Variants in ORC4 observed in about 807,000 individuals in gnomAD.
ORC4 encodes origin recognition complex, subunit 4 homolog.
A neutral mutation model predicts 63.9 loss-of-function variants in ORC4; 55 were observed. That is an observed-to-expected ratio of 0.86 (90% CI 0.69 to 1.08). The LOEUF (loss-of-function observed/expected upper bound fraction) is 1.08. Among genes scored for constraint, ORC4 ranks in the 50% least tolerant of loss-of-function variants. ORC4 has a pLI of 0.00. For missense variants in ORC4, 511 were observed against 504.4 expected (o/e 1.01, Z -0.13); for synonymous variants, 150 against 168.5 (o/e 0.89, Z 0.85).
intron 6 of ORC4, 96 bp downstream of exon 6, chr2:147,958,200 TGA>T (rs982034245): frequency 1.5e-5 from 11 of 737,838 alleles, no homozygotes; most frequent in African/African-American, 1.4e-4. Flanking sequence ...TAAGAATTTC[TGA>T]ACCTCTCCCT....
At chr2:147,937,955 C>T in intron 13 of ORC4, 191 bp downstream of exon 13, 1 of 621,144 alleles carries the variant, frequency 1.6e-6, no homozygotes, top group South Asian at 2.0e-5. Context: ...AGTATACCTC[C>T]ACAAACTAAA....
intron 1 of ORC4, among the ~76,000 whole-genome samples, chr2:148,010,506 G>A (rs976516224): frequency 1.3e-5 from 2 of 151,870 alleles, no homozygotes; most frequent in African/African-American, 4.8e-5. Flanking sequence ...GACAAAAAAG[G>A]AGACATTACA....
intron 1 of ORC4, among the ~76,000 whole-genome samples, chr2:147,992,737 T>A (rs1429483240): frequency 2.0e-5 from 3 of 152,060 alleles, no homozygotes; most frequent in Non-Finnish European, 4.4e-5. Context: ...CAAAATAAAG[T>A]CCTCCAAAGC....
intron 1 of ORC4, among the ~76,000 whole-genome samples, chr2:148,005,656 C>CAAAA (rs55869341): frequency 0.046 from 2,287 of 49,596 alleles, 12 homozygotes; most frequent in Non-Finnish European, 0.055. Flanking sequence ...ACTATCCATG[C>CAAAA]AAAAAAAAAA....
intron 10 of ORC4, 24 bp downstream of exon 10, chr2:147,943,412 C>T (rs1309501980): frequency 6.9e-7 from 1 of 1,454,514 alleles, no homozygotes; most frequent in African/African-American, 1.4e-5. Flanking sequence ...AAGCAACAAG[C>T]AATAAAACAA....
intron 1 of ORC4, among the ~76,000 whole-genome samples, chr2:148,008,154 G>C (rs751526741): frequency 6.6e-6 from 1 of 152,104 alleles, no homozygotes; most frequent in Non-Finnish European, 1.5e-5. Flanking sequence ...AATGCTAAAG[G>C]GAAGTTCTTC....
At chr2:147,966,049 T>TA (rs970432453) in intron 4 of ORC4, among the ~76,000 whole-genome samples, 3 of 151,940 alleles carry the variant, frequency 2.0e-5, no homozygotes, top group East Asian at 1.9e-4. Context: ...ATATTTTTTT[T>TA]AAAAAGTAAT....
At chr2:148,015,464 G>C (rs1193594183) in intron 1 of ORC4, among the ~76,000 whole-genome samples, 1 of 151,428 alleles carries the variant, frequency 6.6e-6, no homozygotes, top group Admixed American at 6.6e-5. Flanking sequence ...ACAGGCACCC[G>C]CCACCACGCC....
chr2:147,993,620 G>A (rs1315420458), intron 1 of ORC4, among the ~76,000 whole-genome samples: 1 of 152,106 alleles, frequency 6.6e-6, no homozygotes, highest in Non-Finnish European at 1.5e-5. Flanking sequence ...AGGTAATCTT[G>A]CAAGGATAAA....
Position 148,001,420 on chromosome 2 carries a change from G to C in ORC4, c.-18+19213C>G, listed in dbSNP as rs548940124. On this transcript the variant is annotated intron_variant, in intron 1 of 13. Transcript: ENST00000392857. ...ACTAACAACGGATCTCTCTGCAGGA[G>C]CCCTATAAGCCAGAAGAGAGTAGGG... is the stretch of plus-strand genomic sequence containing the variant. Among the ~76,000 whole-genome samples the C allele has an allele frequency of 1.1e-4, 16 of 152,150 alleles. No homozygotes were observed. The South Asian group carries it at 3.3e-3, about 32-fold the overall frequency.
At chr2:147,958,956 T>C (rs1689423768) in intron 4 of ORC4, 90 bp from the exon 5 acceptor site, 1 of 634,456 alleles carries the variant, frequency 1.6e-6, no homozygotes, top group Admixed American at 2.8e-5. Flanking sequence ...AAGAACAGAA[T>C]ATAAATAAAT....
At position 147,997,541 on chromosome 2, in the gene ORC4, A is replaced by C. The variant is rs145750164; in HGVS notation, c.-17-21566T>G. 1.8e-3 allele frequency among the ~76,000 whole-genome samples: 278 copies of C among 152,272 alleles called. 6 individuals carry two copies. Among genetic ancestry groups the C allele is most frequent in the Admixed American group, 0.016 (252 of 15,290 alleles). ...AGAAGAGACTCTTGCAATATAAAGC[A>C]AACAAACATATTGTTATTTTGTAAG... On this transcript the variant is annotated intron_variant, in intron 1 of 13. Transcript: ENST00000392857.
chr2:148,017,162 G>C (rs1024638987), intron 1 of ORC4, among the ~76,000 whole-genome samples: 36 of 152,126 alleles, frequency 2.4e-4, no homozygotes, highest in African/African-American at 8.0e-4. Context: ...CAGCAATACA[G>C]TAAAAGTGAC....
chr2:148,021,275 C>T (rs1016926228), upstream of ORC4: 3 of 356,064 alleles, frequency 8.4e-6, no homozygotes, highest in Non-Finnish European at 1.7e-5. Context: ...GCCCTGAGCC[C>T]TGAGAGGGGG....
chr2:148,011,846 G>A (rs895381967), intron 1 of ORC4, among the ~76,000 whole-genome samples: 1 of 151,848 alleles, frequency 6.6e-6, no homozygotes, highest in Non-Finnish European at 1.5e-5. Context: ...AAATCAAGAA[G>A]GTGATCCCAT....
chr2:147,971,310 TTAA>T (rs1287388057), intron 4 of ORC4, among the ~76,000 whole-genome samples: 5 of 151,598 alleles, frequency 3.3e-5, no homozygotes. Flanking sequence ...TAATATTCTT[TTAA>T]TATTATGAAA....
At chr2:147,997,974 C>T (rs1172681329) in intron 1 of ORC4, among the ~76,000 whole-genome samples, 1 of 152,024 alleles carries the variant, frequency 6.6e-6, no homozygotes, top group African/African-American at 2.4e-5. Context: ...GTTGGTATAA[C>T]ATGCTGGACA....
intron 7 of ORC4, among the ~76,000 whole-genome samples, chr2:147,953,068 G>C (rs576389318): frequency 6.7e-6 from 1 of 150,308 alleles, no homozygotes; most frequent in Non-Finnish European, 1.5e-5. Context: ...GGTGACTCAC[G>C]CTTGTAATCC....
chr2:147,939,580 A>G (rs1203613622), intron 10 of ORC4, among the ~76,000 whole-genome samples: 9 of 152,124 alleles, frequency 5.9e-5, no homozygotes, highest in African/African-American at 2.2e-4. Context: ...TTACTAATAA[A>G]AGCCCCAAAC....
Sources: gnomAD v4.1 joint callset for allele counts (sites outside exome capture counted in the v4.1 genomes callset) on GRCh38, gnomAD v4.1.1 for gene constraint, MANE v1.5 for transcripts, NCBI Gene and HGNC (gene_info 2026-07-23, HGNC 2026-07-21) for gene names.